The following SMARCA2 variants were observed in gnomAD, a reference collection of about 807,000 sequenced individuals.
SMARCA2 encodes SWI/SNF related BAF chromatin remodeling complex subunit ATPase 2, also known as SWI/SNF-related matrix-associated actin-dependent regulator of chromatin subfamily A member 2.
In SMARCA2, 61 loss-of-function variants were observed where a neutral mutation model predicts 199.8. The observed-to-expected ratio is 0.31, with a 90% CI of 0.25 to 0.38. The LOEUF is 0.38. Ranked by LOEUF, SMARCA2 falls within the 10% of genes least tolerant of loss-of-function variation. The pLI is 1.00. For synonymous variants in SMARCA2, 935 were observed against 732.0 expected (o/e 1.28, Z -4.48); for missense variants, 1,344 against 2,012.2 (o/e 0.67, Z 6.35).
intron 9 of SMARCA2, among the ~76,000 whole-genome samples, chr9:2,063,325 T>C (rs946492016): frequency 6.6e-6 from 1 of 152,238 alleles, no homozygotes; most frequent in East Asian, 1.9e-4. Context: ...AAGGGGATGC[T>C]TTAAGAAGCT....
intron 14 of SMARCA2, 42 bp from the exon 15 acceptor site, chr9:2,081,790 G>C: frequency 1.9e-6 from 3 of 1,587,654 alleles, no homozygotes; most frequent in Non-Finnish European, 2.6e-6. Context: ...TTAATTACCT[G>C]TGCAGATCTT....
chr9:2,157,090 A>C (rs959739839), intron 27 of SMARCA2, among the ~76,000 whole-genome samples: 28 of 152,248 alleles, frequency 1.8e-4, no homozygotes, highest in Admixed American at 5.2e-4. Flanking sequence ...GTATGCATTA[A>C]ACCGATTAAA....
At position 2,156,671 on chromosome 9, in the gene SMARCA2, T is replaced by C. The variant is rs547344210; in HGVS notation, c.3982-5015T>C. Among the ~76,000 whole-genome samples the C allele has an allele frequency of 7.9e-5, 12 of 152,280 alleles. No homozygotes were observed. In the East Asian group the frequency reaches 2.1e-3, roughly 27 times the overall value. The stretch of plus-strand genomic sequence containing the variant: ...GTCTCAAACTCCCTACCTCAGGTGA[T>C]TGACCTGCTTTGGCCTCCCAAAGTG... On this transcript the variant is annotated intron_variant, in intron 27 of 33. Transcript: ENST00000349721.
intron 21 of SMARCA2, among the ~76,000 whole-genome samples, chr9:2,101,034 A>G (rs1822490061): frequency 6.6e-6 from 1 of 152,106 alleles, no homozygotes; most frequent in African/African-American, 2.4e-5. Flanking sequence ...CAACCATGAG[A>G]ACGGCATGAG....
chr9:2,053,357 C>G (rs1400992054), intron 5 of SMARCA2, among the ~76,000 whole-genome samples: 4 of 152,034 alleles, frequency 2.6e-5, no homozygotes, highest in African/African-American at 9.7e-5. Flanking sequence ...TAATTTTCAG[C>G]TTTTATAGTT....
chr9:2,072,230 A>G lies in SMARCA2; in HGVS notation c.1747-982A>G, dbSNP rs192097491. The stretch of plus-strand genomic sequence containing the variant: ...ATGAATTGTCTAAAAATTCAATTTT[A>G]TCACTTTTCAGGAAATAGATAACTT... On this transcript the variant is annotated intron_variant, in intron 10 of 33. Transcript: ENST00000349721. 7.9e-5 allele frequency among the ~76,000 whole-genome samples: 12 copies of G among 152,368 alleles called. No individual in the cohort carries two copies. The East Asian group carries it at 2.1e-3, about 27-fold the overall frequency.
chr9:2,100,061 A>C (rs1254528291), intron 21 of SMARCA2, among the ~76,000 whole-genome samples: 1 of 152,200 alleles, frequency 6.6e-6, no homozygotes, highest in Non-Finnish European at 1.5e-5. Flanking sequence ...CCAGAGGGAA[A>C]GATCTGGTCC....
At chr9:2,151,576 A>C (rs759565387) in intron 27 of SMARCA2, among the ~76,000 whole-genome samples, 23 of 152,060 alleles carry the variant, frequency 1.5e-4, no homozygotes, top group Non-Finnish European at 3.1e-4. Flanking sequence ...TACTAAAAAT[A>C]CAAAAAAATT....
intron 9 of SMARCA2, among the ~76,000 whole-genome samples, chr9:2,067,752 A>C (rs1820907903): frequency 1.3e-5 from 2 of 152,228 alleles, no homozygotes; most frequent in Admixed American, 6.5e-5. Context: ...TCTTAAATCT[A>C]ATATTACTCT....
At chr9:2,033,160 A>G (rs1819151156) in intron 3 of SMARCA2, 79 bp downstream of exon 3, 1 of 1,492,670 alleles carries the variant, frequency 6.7e-7, no homozygotes, top group Admixed American at 1.9e-5. Flanking sequence ...TTAATTATGA[A>G]TTCCAAAGAA....
chr9:2,158,819 G>A lies in SMARCA2; in HGVS notation c.3982-2867G>A, dbSNP rs532081040. ...TACTCTTTATGTGCGAAAAGCATTGGGAAGTGTTTAGTGAATTGATTTCCA... is the reference window on the plus strand; with the variant it reads ...TACTCTTTATGTGCGAAAAGCATTGAGAAGTGTTTAGTGAATTGATTTCCA... On this transcript the variant is annotated intron_variant, in intron 27 of 33. Coordinates refer to ENST00000349721, the MANE Select transcript of SMARCA2 (RefSeq NM_003070.5). 5 of 798,668 alleles carry A rather than the reference G, an allele frequency of 6.3e-6. No individual in the cohort carries two copies. In the East Asian group the frequency reaches 1.5e-4, roughly 23 times the overall value. 49.5% of individuals were successfully genotyped at this position (798,668 alleles called of 1,614,324 possible). A position where few individuals can be genotyped will look rare whatever the true frequency, so the allele number is the denominator to read the frequency against.
intron 5 of SMARCA2, among the ~76,000 whole-genome samples, chr9:2,053,242 G>A (rs1388778672): frequency 1.3e-5 from 2 of 152,084 alleles, no homozygotes; most frequent in Admixed American, 6.5e-5. Flanking sequence ...TTTCTGTTCC[G>A]GCATTAATTT....
intron 10 of SMARCA2, among the ~76,000 whole-genome samples, chr9:2,070,712 A>G (rs1202560213): frequency 2.0e-5 from 3 of 152,238 alleles, no homozygotes; most frequent in East Asian, 1.9e-4. Flanking sequence ...GTATTTCAGA[A>G]TTTTCTGTGC....
In SMARCA2 at chr9:2,146,537, C is replaced by A. The variant is rs1056624881; in HGVS notation, c.3982-15149C>A. ...GCTGAAAAGGGGTCCGGATCCAGATCCCAAGAGAGGGTTCTTGAATCTTGC... is the reference window on the plus strand; with the variant it reads ...GCTGAAAAGGGGTCCGGATCCAGATACCAAGAGAGGGTTCTTGAATCTTGC... On this transcript the variant is annotated intron_variant, in intron 27 of 33. Transcript: ENST00000349721. Among the ~76,000 whole-genome samples the A allele has an allele frequency of 2.6e-5, 4 of 152,086 alleles. No individual in the cohort carries two copies. In the East Asian group the frequency reaches 7.7e-4, roughly 29 times the overall value.
intron 27 of SMARCA2, among the ~76,000 whole-genome samples, chr9:2,130,823 A>T (rs1823915107): frequency 6.6e-6 from 1 of 152,206 alleles, no homozygotes; most frequent in Admixed American, 6.5e-5. Flanking sequence ...AAGAGCAGGC[A>T]TTCCATCTAC....
intron 2 of SMARCA2, 119 bp downstream of exon 2, chr9:2,029,366 T>A: frequency 7.3e-7 from 1 of 1,366,258 alleles, no homozygotes; most frequent in Non-Finnish European, 1.0e-6. Flanking sequence ...ATCTTTGTCT[T>A]GTATATCTCA....
chr9:2,046,629 A>G (rs1170960409), intron 4 of SMARCA2, among the ~76,000 whole-genome samples: 1 of 151,348 alleles, frequency 6.6e-6, no homozygotes, highest in African/African-American at 2.4e-5. Flanking sequence ...TCTGTTTGTA[A>G]AGCATGGGTT....
At chr9:2,107,344 T>C (rs944589440) in intron 23 of SMARCA2, among the ~76,000 whole-genome samples, 1 of 152,222 alleles carries the variant, frequency 6.6e-6, no homozygotes. Flanking sequence ...TTTATTTTAT[T>C]GAGACGGAGT....
chr9:2,139,395 C>T (rs748208812), intron 27 of SMARCA2, among the ~76,000 whole-genome samples: 7 of 152,114 alleles, frequency 4.6e-5, no homozygotes, highest in Non-Finnish European at 7.4e-5. Context: ...AAATGGTCCT[C>T]ATGTGCTAAG....
Sources: gnomAD v4.1 joint callset for allele counts (sites outside exome capture counted in the v4.1 genomes callset) on GRCh38, gnomAD v4.1.1 for gene constraint, MANE v1.5 for transcripts, NCBI Gene and HGNC (gene_info 2026-07-23, HGNC 2026-07-21) for gene names.